Variants in ANO6 observed in about 807,000 individuals in gnomAD.
ANO6 encodes the protein anoctamin-6.
Under a neutral mutation model 117.5 loss-of-function variants are expected in ANO6, and 106 were observed. That is an observed-to-expected ratio of 0.90 (90% CI 0.77 to 1.06). The LOEUF is 1.06. Among genes scored for constraint, ANO6 ranks in the 50% least tolerant of loss-of-function variants. The pLI, the probability that ANO6 is intolerant of heterozygous loss-of-function variation, is 0.00. For synonymous variants in ANO6, 367 were observed against 385.1 expected (o/e 0.95, Z 0.55); for missense variants, 955 against 1,121.1 (o/e 0.85, Z 2.12).
chr12:45,327,861 A>G (rs1940524564), intron 2 of ANO6, among the ~76,000 whole-genome samples: 1 of 152,156 alleles, frequency 6.6e-6, no homozygotes, highest in South Asian at 2.1e-4. Flanking sequence ...TATTCTAAGA[A>G]AAAAATAAAC....
intron 1 of ANO6, among the ~76,000 whole-genome samples, chr12:45,280,341 T>G (rs566648599): frequency 1.3e-5 from 2 of 152,308 alleles, no homozygotes; most frequent in Admixed American, 6.5e-5. Flanking sequence ...CTGTGGTCAG[T>G]ACAATGACTG....
At chr12:45,398,607 AT>A (rs566173483) in intron 12 of ANO6, among the ~76,000 whole-genome samples, 2 of 152,348 alleles carry the variant, frequency 1.3e-5, no homozygotes, top group South Asian at 4.1e-4. Flanking sequence ...GTATATATTT[AT>A]ATACACACAT....
intron 1 of ANO6, among the ~76,000 whole-genome samples, chr12:45,272,266 A>G (rs955097381): frequency 3.3e-5 from 5 of 151,712 alleles, no homozygotes; most frequent in Non-Finnish European, 5.9e-5. Context: ...ACCAACTTCT[A>G]TCACACAAAC....
Position 45,216,312 on chromosome 12 carries a change from T to A in ANO6, c.-10T>A. ...TCGCGCCAAGTTCGGAGCCGCCTTC[T>A]GAGGGAGACATGAAAAAGATGAGCA... On this transcript the variant is annotated 5_prime_UTR_variant, in exon 1 of 20. Transcript: ENST00000320560. 6.2e-7 allele frequency: 1 copy of A among 1,606,388 alleles called. No homozygotes were observed. Among genetic ancestry groups the A allele is most frequent in the Non-Finnish European group, 8.5e-7 (1 of 1,176,200 alleles).
chr12:45,422,576 C>CT (rs35726842), intron 18 of ANO6, among the ~76,000 whole-genome samples: 12,055 of 140,432 alleles, frequency 0.086, 844 homozygotes, highest in East Asian at 0.42. Flanking sequence ...TCAAATATGA[C>CT]TTTTTTTTTT....
At chr12:45,280,243 C>G (rs1458859963) in intron 1 of ANO6, among the ~76,000 whole-genome samples, 2 of 152,174 alleles carry the variant, frequency 1.3e-5, no homozygotes, top group Admixed American at 6.5e-5. Flanking sequence ...TAAGTTGCTG[C>G]TTCTCAGCTG....
chr12:45,413,400 G>A (rs1211932345), intron 16 of ANO6, among the ~76,000 whole-genome samples: 1 of 152,198 alleles, frequency 6.6e-6, no homozygotes. Flanking sequence ...AAGGAGAGGA[G>A]CTGTTCTCTA....
At chr12:45,385,699 C>T (rs559648146) in intron 10 of ANO6, among the ~76,000 whole-genome samples, 42 of 152,296 alleles carry the variant, frequency 2.8e-4, no homozygotes, top group Admixed American at 1.6e-3. Context: ...AGCCAATACT[C>T]ACTTCATTTC....
chr12:45,240,976 C>A (rs541458105), intron 1 of ANO6, among the ~76,000 whole-genome samples: 14 of 152,284 alleles, frequency 9.2e-5, no homozygotes, highest in African/African-American at 3.4e-4. Flanking sequence ...TCTGGCTGCC[C>A]TTCACATTTT....
chr12:45,257,260 G>GCAAC (rs1403971509), intron 1 of ANO6, among the ~76,000 whole-genome samples: 1 of 152,164 alleles, frequency 6.6e-6, no homozygotes, highest in Non-Finnish European at 1.5e-5. Context: ...TTTCAGATCT[G>GCAAC]TTCCTAGAGC....
intron 2 of ANO6, among the ~76,000 whole-genome samples, chr12:45,314,444 A>G (rs1565682646): frequency 5.9e-5 from 1 of 16,952 alleles, no homozygotes; most frequent in Non-Finnish European, 4.3e-3. Context: ...CCTTATCTCT[A>G]CAAAAAAAAA....
chr12:45,243,182 G>A (rs1467352740), intron 1 of ANO6, among the ~76,000 whole-genome samples: 3 of 152,094 alleles, frequency 2.0e-5, no homozygotes, highest in African/African-American at 7.2e-5. Context: ...AGCCAGGTGT[G>A]GTGGCATGCA....
intron 8 of ANO6, 70 bp from the exon 9 acceptor site, chr12:45,367,618 T>A: frequency 8.1e-7 from 1 of 1,236,462 alleles, no homozygotes; most frequent in South Asian, 1.3e-5. Flanking sequence ...TTTCTTATTG[T>A]GAATGGATAT....
intron 1 of ANO6, among the ~76,000 whole-genome samples, chr12:45,235,571 A>T (rs1947633120): frequency 6.6e-6 from 1 of 152,196 alleles, no homozygotes; most frequent in African/African-American, 2.4e-5. Flanking sequence ...GTGGCATGAC[A>T]TCTGAGCAGA....
intron 1 of ANO6, among the ~76,000 whole-genome samples, chr12:45,293,739 T>TTTTG (rs1939191234): frequency 8.3e-6 from 1 of 120,846 alleles, no homozygotes; most frequent in Non-Finnish European, 1.7e-5. Context: ...GTTTTTTTTT[T>TTTTG]TTTTTTTTTT....
At chr12:45,319,202 A>G (rs1020582119) in intron 2 of ANO6, among the ~76,000 whole-genome samples, 11 of 152,294 alleles carry the variant, frequency 7.2e-5, no homozygotes, top group African/African-American at 2.6e-4. Flanking sequence ...CCAGGTTTCA[A>G]AGGGAATGCT....
chr12:45,402,735 G>A (rs1440276179), intron 13 of ANO6, among the ~76,000 whole-genome samples: 1 of 152,188 alleles, frequency 6.6e-6, no homozygotes, highest in African/African-American at 2.4e-5. Flanking sequence ...CATTTAGCAG[G>A]CAGTTCAAAA....
At chr12:45,313,721 G>C (rs1939921921) in intron 2 of ANO6, among the ~76,000 whole-genome samples, 1 of 151,964 alleles carries the variant, frequency 6.6e-6, no homozygotes, top group Non-Finnish European at 1.5e-5. Context: ...TTATCAAGAG[G>C]TTGAGAGTTA....
intron 2 of ANO6, among the ~76,000 whole-genome samples, chr12:45,327,713 A>T (rs1436802555): frequency 6.6e-6 from 1 of 152,114 alleles, no homozygotes; most frequent in East Asian, 1.9e-4. Flanking sequence ...GCCTGAAAGG[A>T]TGTACTCCAA....
Sources: gnomAD v4.1 joint callset for allele counts (sites outside exome capture counted in the v4.1 genomes callset) on GRCh38, gnomAD v4.1.1 for gene constraint, MANE v1.5 for transcripts, NCBI Gene and HGNC (gene_info 2026-07-23, HGNC 2026-07-21) for gene names.